SUGCT: variants seen among roughly 807,000 people sequenced by gnomAD.
The protein encoded by SUGCT is succinyl-CoA:glutarate-CoA transferase.
In SUGCT, 41 loss-of-function variants were observed where a neutral mutation model predicts 55.0. That is an observed-to-expected ratio of 0.74 (90% CI 0.58 to 0.97). SUGCT has a LOEUF of 0.97. Among genes scored for constraint, SUGCT ranks in the 50% least tolerant of loss-of-function variants. SUGCT has a pLI of 0.00. For missense variants in SUGCT, 568 were observed against 547.8 expected (o/e 1.04, Z -0.37); for synonymous variants, 187 against 200.4 (o/e 0.93, Z 0.56).
the SUGCT span, among the ~76,000 whole-genome samples, chr7:40,912,965 C>T: frequency 6.6e-6 from 1 of 151,430 alleles, no homozygotes; most frequent in Non-Finnish European, 1.5e-5. Context: ...CCATCTCCTG[C>T]TATCCTTCAC....
chr7:40,202,690 T>A (rs918654118), intron 6 of SUGCT, among the ~76,000 whole-genome samples: 3 of 152,152 alleles, frequency 2.0e-5, no homozygotes, highest in Admixed American at 2.0e-4. Context: ...TGGCTCTCTT[T>A]ATGGGGAGTT....
the SUGCT span, among the ~76,000 whole-genome samples, chr7:40,949,874 C>G: frequency 2.4e-4 from 37 of 151,994 alleles, no homozygotes; most frequent in Non-Finnish European, 5.4e-4. Context: ...GGTATAGTAT[C>G]GAAGTCAGGT....
chr7:41,028,420 A>G, the SUGCT span, among the ~76,000 whole-genome samples: 2 of 152,232 alleles, frequency 1.3e-5, no homozygotes, highest in Non-Finnish European at 2.9e-5. Context: ...ACATACAGTC[A>G]TGAGTTGCTT....
intron 12 of SUGCT, among the ~76,000 whole-genome samples, chr7:40,732,906 A>G (rs1786969221): frequency 6.6e-6 from 1 of 152,254 alleles, no homozygotes; most frequent in East Asian, 1.9e-4. Flanking sequence ...CCTGGCCAGC[A>G]TGGTGCAACC....
At chr7:40,908,141 G>A in the SUGCT span, among the ~76,000 whole-genome samples, 2 of 151,998 alleles carry the variant, frequency 1.3e-5, no homozygotes, top group Non-Finnish European at 2.9e-5. Context: ...CACTTTGGGA[G>A]GCTGAGGCAG....
intron 12 of SUGCT, among the ~76,000 whole-genome samples, chr7:40,644,061 A>G (rs1800386284): frequency 6.6e-6 from 1 of 152,146 alleles, no homozygotes; most frequent in Admixed American, 6.5e-5. Context: ...TACTAGCCAC[A>G]TTCTCTGGTC....
intron 9 of SUGCT, among the ~76,000 whole-genome samples, chr7:40,318,493 G>A (rs1043844827): frequency 1.3e-5 from 2 of 152,236 alleles, no homozygotes; most frequent in African/African-American, 4.8e-5. Context: ...TGGGTGTGCA[G>A]TGGCACGATC....
intron 9 of SUGCT, among the ~76,000 whole-genome samples, chr7:40,410,562 C>A (rs923510780): frequency 6.6e-6 from 1 of 152,080 alleles, no homozygotes; most frequent in Non-Finnish European, 1.5e-5. Context: ...ATTCTGAGAT[C>A]GAGTAGTGGC....
At chr7:40,345,850 T>A (rs1308036274) in intron 9 of SUGCT, among the ~76,000 whole-genome samples, 1 of 152,172 alleles carries the variant, frequency 6.6e-6, no homozygotes, top group Non-Finnish European at 1.5e-5. Context: ...TACATGTTTG[T>A]AGATTCATTT....
At chr7:40,339,467 C>T (rs1041631476) in intron 9 of SUGCT, among the ~76,000 whole-genome samples, 1 of 152,142 alleles carries the variant, frequency 6.6e-6, no homozygotes, top group Admixed American at 6.5e-5. Flanking sequence ...CTCCTAGCCT[C>T]ACTGCCATCT....
chr7:40,477,956 G>A (rs564575218), intron 11 of SUGCT, among the ~76,000 whole-genome samples: 1 of 152,272 alleles, frequency 6.6e-6, no homozygotes, highest in East Asian at 1.9e-4. Flanking sequence ...CAAGAAGTCT[G>A]ACAACAGCAT....
chr7:40,781,877 AC>A (rs1789767994), intron 13 of SUGCT, among the ~76,000 whole-genome samples: 1 of 152,052 alleles, frequency 6.6e-6, no homozygotes, highest in Non-Finnish European at 1.5e-5. Context: ...CTAAAATTCA[AC>A]TGTTAGATTG....
At chr7:40,316,955 GTTTTT>G (rs56989808) in intron 9 of SUGCT, 100 bp downstream of exon 9, 71 of 189,426 alleles carry the variant, frequency 3.7e-4, no homozygotes, top group East Asian at 1.1e-3. Flanking sequence ...TCCTTCAGCT[GTTTTT>G]TTTTTTTTTT....
chr7:40,381,568 G>T (rs1423197309), intron 9 of SUGCT, among the ~76,000 whole-genome samples: 1 of 152,030 alleles, frequency 6.6e-6, no homozygotes, highest in Non-Finnish European at 1.5e-5. Context: ...ATAAAATTCA[G>T]TAACTTCCTA....
chr7:40,705,980 ACT>A (rs972572996), intron 12 of SUGCT, among the ~76,000 whole-genome samples: 2 of 151,736 alleles, frequency 1.3e-5, no homozygotes, highest in Admixed American at 6.6e-5. Flanking sequence ...AATGAGAAAA[ACT>A]CTATCTGCTT....
rs1432092411 is a variant in SUGCT at position 40,818,942 on chromosome 7, T to C, written c.1154-41374T>C. Among the ~76,000 whole-genome samples, 5 of 119,526 alleles carry C rather than the reference T, an allele frequency of 4.2e-5. No homozygotes were observed. The South Asian group carries it at 1.5e-3, about 37-fold the overall frequency. The allele number at this position is 119,526 out of a possible 152,430, so 78.4% of individuals were successfully genotyped here. A position where few individuals can be genotyped will look rare whatever the true frequency, so the allele number is the denominator to read the frequency against. On this transcript the variant is annotated intron_variant, in intron 13 of 13. Transcript: ENST00000335693. Reference sequence around the variant, plus strand: ...CCCCACAACAGGCCCCAGTGTGTGATGTTCCCCATCCTGTGTCCAAGTGTT... The same window carrying C: ...CCCCACAACAGGCCCCAGTGTGTGACGTTCCCCATCCTGTGTCCAAGTGTT...
At chr7:40,869,159 T>G in the SUGCT span, among the ~76,000 whole-genome samples, 2 of 152,166 alleles carry the variant, frequency 1.3e-5, no homozygotes, top group African/African-American at 4.8e-5. Context: ...ACTAAGTAAG[T>G]GCTTCTATGG....
intron 7 of SUGCT, among the ~76,000 whole-genome samples, chr7:40,271,691 A>G (rs1474348911): frequency 2.0e-5 from 3 of 152,080 alleles, no homozygotes; most frequent in African/African-American, 7.2e-5. Context: ...GAACATTCCA[A>G]TTATTCCCTG....
At chr7:41,002,915 G>C in the SUGCT span, among the ~76,000 whole-genome samples, 13 of 152,104 alleles carry the variant, frequency 8.5e-5, no homozygotes, top group Admixed American at 1.3e-4. Flanking sequence ...TACTAGGACA[G>C]ATGAGTCAAT....
Sources: gnomAD v4.1 joint callset for allele counts (sites outside exome capture counted in the v4.1 genomes callset) on GRCh38, gnomAD v4.1.1 for gene constraint, MANE v1.5 for transcripts, NCBI Gene and HGNC (gene_info 2026-07-23, HGNC 2026-07-21) for gene names.